The following RALGPS2 variants were observed in gnomAD, a reference collection of about 807,000 sequenced individuals.
RALGPS2 encodes the protein Ral GEF with PH domain and SH3 binding motif 2, also known as ras-specific guanine nucleotide-releasing factor RalGPS2.
In RALGPS2, 43 loss-of-function variants were observed where a neutral mutation model predicts 86.8. The observed-to-expected ratio is 0.50, with a 90% CI of 0.39 to 0.64. The LOEUF (loss-of-function observed/expected upper bound fraction) is 0.64. RALGPS2 is among the 30% of genes least tolerant of loss of function. The probability of loss-of-function intolerance (pLI) is 0.00; values close to 1 mark genes in which losing one functional copy is unlikely to be tolerated. For missense variants in RALGPS2, 536 were observed against 694.6 expected, an observed-to-expected ratio of 0.77 and a Z score of 2.57; for synonymous variants, 243 against 231.3, an observed-to-expected ratio of 1.05 and a Z score of -0.46.
At chr1:178,827,433 C>T (rs1358765699) in intron 7 of RALGPS2, among the ~76,000 whole-genome samples, 3 of 135,804 alleles carry the variant, frequency 2.2e-5, no homozygotes, top group Admixed American at 7.7e-5. Context: ...CTCGCTCTGT[C>T]GCCCAGGCTG....
At chr1:178,896,857 A>G (rs1161109184) in intron 16 of RALGPS2, among the ~76,000 whole-genome samples, 9 of 150,066 alleles carry the variant, frequency 6.0e-5, no homozygotes, top group Admixed American at 1.3e-4. Context: ...AATCCAGTCT[A>G]TCATTGTTGG....
intron 2 of RALGPS2, among the ~76,000 whole-genome samples, chr1:178,780,553 G>A (rs1653339567): frequency 6.6e-6 from 1 of 152,026 alleles, no homozygotes; most frequent in African/African-American, 2.4e-5. Context: ...TTTTATTCAA[G>A]ACTTTCTTCA....
intron 15 of RALGPS2, 130 bp downstream of exon 15, chr1:178,892,437 A>G (rs2102390312): frequency 5.6e-6 from 4 of 716,094 alleles, no homozygotes; most frequent in South Asian, 2.0e-5. Flanking sequence ...CAAATTACCT[A>G]GAAAAACTTT....
At chr1:178,785,041 G>T (rs1347399467) in intron 3 of RALGPS2, among the ~76,000 whole-genome samples, 2 of 151,882 alleles carry the variant, frequency 1.3e-5, no homozygotes, top group South Asian at 2.1e-4. Flanking sequence ...AACTGTGCTT[G>T]GTCATAGCAT....
At chr1:178,832,413 T>C (rs2102247047) in intron 7 of RALGPS2, among the ~76,000 whole-genome samples, 1 of 152,230 alleles carries the variant, frequency 6.6e-6, no homozygotes, top group African/African-American at 2.4e-5. Flanking sequence ...AATATTCTTA[T>C]CTCCAGAACC....
intron 1 of RALGPS2, among the ~76,000 whole-genome samples, chr1:178,758,042 C>T (rs1558105490): frequency 6.6e-6 from 1 of 151,940 alleles, no homozygotes; most frequent in Non-Finnish European, 1.5e-5. Flanking sequence ...AGGAATTTAT[C>T]CATTTTCTCT....
At chr1:178,884,503 C>G (rs1298559635) in intron 11 of RALGPS2, among the ~76,000 whole-genome samples, 1 of 152,038 alleles carries the variant, frequency 6.6e-6, no homozygotes, top group African/African-American at 2.4e-5. Context: ...ATGACAATGT[C>G]TATGGGGAAG....
chr1:178,909,643 A>ATTTTTTTTTTTTTTT (rs57890269), intron 19 of RALGPS2, among the ~76,000 whole-genome samples: 1 of 72,384 alleles, frequency 1.4e-5, no homozygotes. Flanking sequence ...TTCTTTTTTA[A>ATTTTTTTTTTTTTTT]TTTTTTTTTT....
chr1:178,814,834 T>TCCACATCCA (rs1655152211), intron 6 of RALGPS2, among the ~76,000 whole-genome samples: 2 of 152,226 alleles, frequency 1.3e-5, no homozygotes, highest in African/African-American at 4.8e-5. Flanking sequence ...AAGATGCCTG[T>TCCACATCCA]TGCTCCACAT....
intron 8 of RALGPS2, among the ~76,000 whole-genome samples, chr1:178,847,750 T>A (rs910489002): frequency 6.6e-6 from 1 of 152,196 alleles, no homozygotes; most frequent in African/African-American, 2.4e-5. Flanking sequence ...CTAAGAAATA[T>A]AATGCTAAGA....
At position 178,906,678 on chromosome 1, in the gene RALGPS2, ACT is replaced by A. The variant is rs377312523; in HGVS notation, c.1631-95_1631-94del. 1.0e-4 allele frequency: 87 copies of A among 862,948 alleles called. No homozygotes were observed. The African/African-American group carries it at 1.4e-3, about 14-fold the overall frequency. 53.5% of individuals were successfully genotyped at this position (862,948 alleles called of 1,614,324 possible). On this transcript the variant is annotated intron_variant, in intron 18 of 19. Coordinates refer to ENST00000367635, the MANE Select transcript of RALGPS2 (RefSeq NM_152663.5). ...GTTGAATAGAATTCTAAAACTGAAAACTCTAGTCATGTTTAATTTGCTCATTA... is the reference window on the plus strand; with the variant it reads ...GTTGAATAGAATTCTAAAACTGAAAACTAGTCATGTTTAATTTGCTCATTA...
rs1225957370 is a variant in RALGPS2, at chr1:178,865,495, C to T, written c.608-12003C>T. 1.9e-6 allele frequency: 3 copies of T among 1,613,932 alleles called. No homozygotes were observed. In the African/African-American group the frequency reaches 4.0e-5, roughly 22 times the overall value. ...GCAGAACATCTATCTCCCGCTTCTG[C>T]CTGGAGAGCACATCCTTCAGGTTTT... On this transcript the variant is annotated intron_variant, in intron 8 of 19. Coordinates refer to ENST00000367635, the MANE Select transcript of RALGPS2 (RefSeq NM_152663.5).
chr1:178,746,192 G>A (rs1268359904), intron 1 of RALGPS2, among the ~76,000 whole-genome samples: 2 of 152,086 alleles, frequency 1.3e-5, no homozygotes, highest in Non-Finnish European at 2.9e-5. Context: ...AATCAAATAT[G>A]TGATTAAGGT....
chr1:178,839,193 T>C (rs1309176690), intron 8 of RALGPS2, among the ~76,000 whole-genome samples: 1 of 151,974 alleles, frequency 6.6e-6, no homozygotes, highest in Admixed American at 6.6e-5. Flanking sequence ...GAAGAGCAAC[T>C]CCAAGACACA....
chr1:178,788,842 TTTC>T (rs1653807402), intron 4 of RALGPS2, among the ~76,000 whole-genome samples: 2 of 32,162 alleles, frequency 6.2e-5, no homozygotes, highest in African/African-American at 2.5e-4. Context: ...TCTTTCTTTC[TTTC>T]TTTTCTTTTC....
chr1:178,832,090 T>G (rs1475240853), intron 7 of RALGPS2, among the ~76,000 whole-genome samples: 31 of 152,192 alleles, frequency 2.0e-4, no homozygotes, highest in Admixed American at 2.0e-3. Context: ...ATCCAGATAC[T>G]TCCTTAAGTG....
intron 1 of RALGPS2, chr1:178,747,822 G>A (rs1014157814): frequency 2.2e-5 from 14 of 635,560 alleles, no homozygotes; most frequent in Middle Eastern, 4.1e-4. Flanking sequence ...TGCACGATCC[G>A]CAGAGAGCCT....
intron 14 of RALGPS2, among the ~76,000 whole-genome samples, chr1:178,891,322 G>A (rs1400529134): frequency 6.6e-6 from 1 of 152,000 alleles, no homozygotes; most frequent in Admixed American, 6.6e-5. Flanking sequence ...AGTGAATAAA[G>A]AACTAGGATA....
At chr1:178,828,254 T>C (rs753993817) in intron 7 of RALGPS2, among the ~76,000 whole-genome samples, 5 of 152,240 alleles carry the variant, frequency 3.3e-5, no homozygotes, top group Non-Finnish European at 7.3e-5. Context: ...ATGAGGATAC[T>C]TTCGGAGAAA....
Sources: gnomAD v4.1 joint callset for allele counts (sites outside exome capture counted in the v4.1 genomes callset) on GRCh38, gnomAD v4.1.1 for gene constraint, MANE v1.5 for transcripts, NCBI Gene and HGNC (gene_info 2026-07-23, HGNC 2026-07-21) for gene names.